The following ROBO2 variants were observed in gnomAD, a reference collection of about 807,000 sequenced individuals.
ROBO2 encodes roundabout guidance receptor 2.
ROBO2 carries 53 observed loss-of-function variants against 160.8 expected under a neutral mutation model. The ratio of observed to expected loss-of-function variants is 0.33; its 90% confidence interval spans 0.26 to 0.41. ROBO2 has a LOEUF of 0.41. ROBO2 is among the 10% of genes least tolerant of loss of function. The probability of loss-of-function intolerance (pLI) is 1.00; values close to 1 mark genes in which losing one functional copy is unlikely to be tolerated. For synonymous variants in ROBO2, 664 were observed against 611.7 expected (o/e 1.09, Z -1.26); for missense variants, 1,577 against 1,722.4 (o/e 0.92, Z 1.49).
At chr3:77,435,120 A>T (rs904859130) in intron 2 of ROBO2, among the ~76,000 whole-genome samples, 5 of 152,050 alleles carry the variant, frequency 3.3e-5, no homozygotes, top group Non-Finnish European at 7.4e-5. Flanking sequence ...AAGACATTGC[A>T]TAAGCATAAA....
chr3:76,560,030 T>C lies in ROBO2; in HGVS notation c.110-537984T>C, dbSNP rs114472450. Among the ~76,000 whole-genome samples the C allele has an allele frequency of 3.1e-3, 467 of 152,238 alleles. 3 individuals are homozygous for C. Among genetic ancestry groups the C allele is most frequent in the African/African-American group, 0.011 (459 of 41,556 alleles). ...CAGTCCATAGTTTTGATTGCTTTCT[T>C]TTTACTTCTCTATAAGAGCTACATA... On this transcript the variant is annotated intron_variant, in intron 2 of 26. Coordinates refer to the ROBO2 transcript ENST00000487694.
chr3:76,837,903 A>G (rs1444132965), intron 2 of ROBO2, among the ~76,000 whole-genome samples: 1 of 152,066 alleles, frequency 6.6e-6, no homozygotes, highest in Non-Finnish European at 1.5e-5. Flanking sequence ...ATAAAATTGA[A>G]TTTAGTTGTC....
chr3:76,991,124 G>A (rs905096957), intron 2 of ROBO2, among the ~76,000 whole-genome samples: 3 of 152,032 alleles, frequency 2.0e-5, no homozygotes, highest in African/African-American at 4.8e-5. Context: ...AAACTTTCAC[G>A]ACGGCTCTAA....
At chr3:77,231,231 T>C (rs7431271) in intron 2 of ROBO2, among the ~76,000 whole-genome samples, 58,988 of 151,352 alleles carry the variant, frequency 0.39, 12,786 homozygotes, top group Middle Eastern at 0.59. Flanking sequence ...GTTGTGGTGG[T>C]GGGCACCTGT....
intron 2 of ROBO2, among the ~76,000 whole-genome samples, chr3:76,489,786 A>T (rs2079713797): frequency 6.6e-6 from 1 of 151,972 alleles, no homozygotes; most frequent in African/African-American, 2.4e-5. Context: ...GGTTTAAAAT[A>T]AAAAAGATAT....
At chr3:77,649,002 G>C (rs182240279) in exon 26 of ROBO2, 3 of 152,270 alleles carry the variant, frequency 2.0e-5, no homozygotes, top group African/African-American at 7.2e-5. Context: ...TGGGAAAATA[G>C]CTCTATTGGT....
intron 2 of ROBO2, among the ~76,000 whole-genome samples, chr3:77,021,642 A>G (rs115163934): frequency 6.6e-6 from 1 of 152,168 alleles, no homozygotes; most frequent in Non-Finnish European, 1.5e-5. Flanking sequence ...TCCAAAATTA[A>G]TGTTCAAATT....
At chr3:77,453,770 G>T (rs1346592718) in intron 2 of ROBO2, among the ~76,000 whole-genome samples, 1 of 151,976 alleles carries the variant, frequency 6.6e-6, no homozygotes, top group Non-Finnish European at 1.5e-5. Context: ...TATTTTCCAG[G>T]TTATGTTTGA....
At chr3:76,727,337 G>C (rs1393477140) in intron 2 of ROBO2, among the ~76,000 whole-genome samples, 1 of 152,088 alleles carries the variant, frequency 6.6e-6, no homozygotes, top group Non-Finnish European at 1.5e-5. Flanking sequence ...GAAGACAGAA[G>C]CATAGAAATG....
chr3:77,036,165 T>C (rs898944732), upstream of ROBO2, among the ~76,000 whole-genome samples: 2 of 151,974 alleles, frequency 1.3e-5, no homozygotes, highest in African/African-American at 4.8e-5. Context: ...CTTGGGTTGA[T>C]TATCTAATCT....
chr3:76,733,412 A>G lies in ROBO2; in HGVS notation c.110-364602A>G, dbSNP rs546230891. On this transcript the variant is annotated intron_variant, in intron 2 of 26. Coordinates refer to the ROBO2 transcript ENST00000487694. ...TTAGAAAACAAAATTGAGAAAGGAC[A>G]TTGTTCCCAGGCCAATTCACTAAAA... Among the ~76,000 whole-genome samples the G allele has an allele frequency of 3.3e-5, 5 of 152,330 alleles. No individual in the cohort carries two copies. In the South Asian group the frequency reaches 1.0e-3, roughly 32 times the overall value.
chr3:77,117,421 G>T (rs1204099478), intron 2 of ROBO2, among the ~76,000 whole-genome samples: 1 of 152,036 alleles, frequency 6.6e-6, no homozygotes, highest in African/African-American at 2.4e-5. Context: ...AAATTTTTGT[G>T]TTTATTGTTA....
At chr3:76,728,741 A>T (rs1576276572) in intron 2 of ROBO2, among the ~76,000 whole-genome samples, 1 of 152,352 alleles carries the variant, frequency 6.6e-6, no homozygotes, top group South Asian at 2.1e-4. Flanking sequence ...TTACAATGTG[A>T]ATACAAGTAG....
intron 2 of ROBO2, among the ~76,000 whole-genome samples, chr3:77,285,398 C>T (rs1025561202): frequency 1.2e-4 from 18 of 152,084 alleles, no homozygotes; most frequent in Non-Finnish European, 1.5e-5. Context: ...ATAAAAAAAC[C>T]GTCTGCTATA....
At chr3:77,631,227 G>C (rs1016391367) in intron 23 of ROBO2, 4 of 151,814 alleles carry the variant, frequency 2.6e-5, no homozygotes, top group African/African-American at 4.8e-5. Context: ...TAACTTCTCC[G>C]ATCATTCTAA....
chr3:77,135,831 A>G (rs186688748), intron 2 of ROBO2, among the ~76,000 whole-genome samples: 7 of 152,326 alleles, frequency 4.6e-5, no homozygotes, highest in South Asian at 4.1e-4. Context: ...ACATCATTCA[A>G]TAGTGCTTGA....
intron 2 of ROBO2, among the ~76,000 whole-genome samples, chr3:76,144,932 A>T (rs2071827473): frequency 6.6e-6 from 1 of 151,948 alleles, no homozygotes. Flanking sequence ...ATTTTAGTGC[A>T]TTTTGACTTG....
intron 2 of ROBO2, among the ~76,000 whole-genome samples, chr3:76,918,781 C>A (rs2076482563): frequency 6.6e-6 from 1 of 152,192 alleles, no homozygotes; most frequent in Admixed American, 6.5e-5. Context: ...TACGTTCCCA[C>A]CAATAGTGTA....
At chr3:76,358,433 A>G (rs1448023909) in intron 2 of ROBO2, among the ~76,000 whole-genome samples, 1 of 152,014 alleles carries the variant, frequency 6.6e-6, no homozygotes, top group Non-Finnish European at 1.5e-5. Flanking sequence ...TTACTAGAGT[A>G]CTAACTTGTT....
Sources: allele counts gnomAD v4.1 joint callset (sites outside exome capture counted in the v4.1 genomes callset), GRCh38; gene constraint gnomAD v4.1.1; transcripts MANE v1.5; gene names NCBI Gene and HGNC (gene_info 2026-07-23, HGNC 2026-07-21).